ZPLD1: variants seen among roughly 807,000 people sequenced by gnomAD.
The protein encoded by ZPLD1 is zona pellucida like domain containing 1.
Under a neutral mutation model 47.2 loss-of-function variants are expected in ZPLD1, and 34 were observed. That is an observed-to-expected ratio of 0.72 (90% CI 0.55 to 0.96). The LOEUF is 0.96. ZPLD1 is among the 40% of genes least tolerant of loss of function. ZPLD1 has a pLI of 0.00. For synonymous variants in ZPLD1, 176 were observed against 186.2 expected (o/e 0.95, Z 0.45); for missense variants, 512 against 505.8 (o/e 1.01, Z -0.12).
At chr3:102,434,215 T>C (rs1707053459), upstream of ZPLD1, among the ~76,000 whole-genome samples, 1 of 152,196 alleles carries the variant, frequency 6.6e-6, no homozygotes, top group East Asian at 1.9e-4. Flanking sequence ...GTACATACAG[T>C]AACAGATCTC....
At chr3:102,406,014 A>G (rs1706680991) in intron 7 of ZPLD1, among the ~76,000 whole-genome samples, 1 of 152,022 alleles carries the variant, frequency 6.6e-6, no homozygotes, top group Non-Finnish European at 1.5e-5. Flanking sequence ...ATCAATGACA[A>G]TTAACTGTCT....
chr3:102,445,740 C>CA (rs1707246816), intron 3 of ZPLD1, among the ~76,000 whole-genome samples: 2 of 152,210 alleles, frequency 1.3e-5, no homozygotes, highest in Non-Finnish European at 2.9e-5. Context: ...ACAGTATTTA[C>CA]ACTAGCCCCA....
chr3:102,453,706 T>C (rs979452847), intron 4 of ZPLD1, among the ~76,000 whole-genome samples: 4 of 152,226 alleles, frequency 2.6e-5, no homozygotes, highest in Non-Finnish European at 5.9e-5. Context: ...TCATATCCAG[T>C]CTTACCATGA....
intron 8 of ZPLD1, among the ~76,000 whole-genome samples, chr3:102,464,484 T>C (rs576929666): frequency 6.6e-6 from 1 of 152,324 alleles, no homozygotes. Context: ...GTAAGTTATG[T>C]CCACCAAAGA....
intron 10 of ZPLD1, among the ~76,000 whole-genome samples, chr3:102,472,484 A>G (rs190977852): frequency 6.7e-6 from 1 of 148,574 alleles, no homozygotes; most frequent in Non-Finnish European, 1.5e-5. Flanking sequence ...GTGAACCGAG[A>G]TTGTGCCACT....
At chr3:102,476,922 G>A (rs1199145757) in intron 10 of ZPLD1, 90 bp from the exon 11 acceptor site, 5 of 1,450,536 alleles carry the variant, frequency 3.4e-6, no homozygotes, top group Admixed American at 3.5e-5. Context: ...AGGTAAAAAT[G>A]TAGGTACAAT....
chr3:102,456,680 T>C (rs1707422633), intron 5 of ZPLD1, among the ~76,000 whole-genome samples: 3 of 152,318 alleles, frequency 2.0e-5, no homozygotes, highest in Non-Finnish European at 4.4e-5. Context: ...TGCCTTGGGT[T>C]CTCTTCACTC....
At position 102,468,379 on chromosome 3, in the gene ZPLD1, T is replaced by C. The variant is rs191772277; in HGVS notation, c.762-585T>C. On this transcript the variant is annotated intron_variant, in intron 8 of 11. Transcript: ENST00000466937. ...TAAAAAGCAAAAGATTCAAAAACAA[T>C]GCATGTACATAAATAGGAAACTGAT... Among the ~76,000 whole-genome samples, 70 of 152,272 alleles carry C rather than the reference T, an allele frequency of 4.6e-4. No individual in the cohort carries two copies. In the Middle Eastern group the frequency reaches 0.014, roughly 30 times the overall value.
intron 8 of ZPLD1, among the ~76,000 whole-genome samples, chr3:102,422,266 A>G (rs1033931096): frequency 2.6e-5 from 4 of 152,050 alleles, no homozygotes; most frequent in African/African-American, 9.7e-5. Context: ...ACAAAGTTGT[A>G]TCTCCAAAGG....
intron 3 of ZPLD1, among the ~76,000 whole-genome samples, chr3:102,451,854 T>C (rs1191130616): frequency 7.9e-5 from 12 of 152,150 alleles, no homozygotes; most frequent in Non-Finnish European, 2.9e-5. Flanking sequence ...GAATTACAGG[T>C]TCATTTTACC....
At position 102,477,586 on chromosome 3, in the gene ZPLD1, T is replaced by C. The variant is rs1247518653; in HGVS notation, c.1216T>C (p.Leu406=). ...LHRKGPTSLV[L]NGIRNPVFD is the part of the protein sequence containing the mutation. ...CAGGAAGGGACCCACAAGTTTAGTG[T>C]TGAATGGCATAAGAAACCCAGTCTT... The change falls in exon 12 of 12, where the codon TTG becomes CTG. Residue 406 remains leucine (L), a synonymous_variant. Transcript: ENST00000466937. The C allele has an allele frequency of 6.2e-7, 1 of 1,613,272 alleles. No homozygotes were observed. Among genetic ancestry groups the C allele is most frequent in the South Asian group, 1.1e-5 (1 of 91,000 alleles).
chr3:102,454,610 C>T (rs569348134), intron 4 of ZPLD1, among the ~76,000 whole-genome samples: 76 of 152,338 alleles, frequency 5.0e-4, no homozygotes, highest in African/African-American at 1.7e-3. Flanking sequence ...AATCCCAGCA[C>T]TTTGTGGGGC....
At chr3:102,453,625 A>C (rs1707372246) in intron 4 of ZPLD1, among the ~76,000 whole-genome samples, 1 of 152,220 alleles carries the variant, frequency 6.6e-6, no homozygotes, top group Admixed American at 6.5e-5. Context: ...CTTTGTAAAA[A>C]GGGGCTGTCA....
At chr3:102,470,556 T>C (rs1262799738) in intron 10 of ZPLD1, 54 bp downstream of exon 10, 1 of 1,444,394 alleles carries the variant, frequency 6.9e-7, no homozygotes, top group Non-Finnish European at 9.7e-7. Flanking sequence ...AAATGCCTCG[T>C]TACTTGGCTT....
chr3:102,457,079 C>T (rs569457245), intron 5 of ZPLD1, among the ~76,000 whole-genome samples: 18 of 152,272 alleles, frequency 1.2e-4, no homozygotes, highest in South Asian at 2.1e-4. Flanking sequence ...ATTAAGCGAA[C>T]GCTTTCTCCA....
At chr3:102,412,937 A>T (rs1706762273) in intron 7 of ZPLD1, among the ~76,000 whole-genome samples, 1 of 151,796 alleles carries the variant, frequency 6.6e-6, no homozygotes, top group South Asian at 2.1e-4. Flanking sequence ...TGGATTAATT[A>T]TATGGCCGCT....
At chr3:102,462,470 C>T (rs1707523821) in intron 7 of ZPLD1, 92 bp downstream of exon 7, 1 of 787,726 alleles carries the variant, frequency 1.3e-6, no homozygotes, top group East Asian at 2.8e-5. Context: ...TTTTTAAATT[C>T]AGTTTGAAAA....
At chr3:102,442,649 A>G (rs981201952) in intron 3 of ZPLD1, among the ~76,000 whole-genome samples, 23 of 152,144 alleles carry the variant, frequency 1.5e-4, no homozygotes, top group African/African-American at 5.3e-4. Context: ...AGGCTAAGCA[A>G]TGGGATGGAA....
chr3:102,446,115 GA>G (rs1204314611), intron 3 of ZPLD1, among the ~76,000 whole-genome samples: 2 of 152,078 alleles, frequency 1.3e-5, no homozygotes, highest in Non-Finnish European at 2.9e-5. Context: ...ACACACCATT[GA>G]AATAAATGTA....
Sources: allele counts gnomAD v4.1 joint callset (sites outside exome capture counted in the v4.1 genomes callset), GRCh38; gene constraint gnomAD v4.1.1; transcripts MANE v1.5; gene names NCBI Gene and HGNC (gene_info 2026-07-23, HGNC 2026-07-21).